Variants in PIBF1 observed in about 807,000 individuals in gnomAD.
PIBF1 encodes the protein progesterone immunomodulatory binding factor 1.
In PIBF1, 90 loss-of-function variants were observed where a neutral mutation model predicts 112.5. The ratio of observed to expected loss-of-function variants is 0.80; its 90% CI spans 0.67 to 0.95. The LOEUF (loss-of-function observed/expected upper bound fraction) is 0.95. Among genes scored for constraint, PIBF1 ranks in the 40% least tolerant of loss-of-function variants. PIBF1 has a pLI of 0.00. For missense variants in PIBF1, 915 were observed against 852.3 expected (o/e 1.07, Z -0.92); for synonymous variants, 301 against 288.6 (o/e 1.04, Z -0.44).
At chr13:72,910,268 A>G (rs1273115867) in intron 12 of PIBF1, among the ~76,000 whole-genome samples, 1 of 152,168 alleles carries the variant, frequency 6.6e-6, no homozygotes, top group Non-Finnish European at 1.5e-5. Flanking sequence ...TTTTCATATC[A>G]TATGCTGGCT....
At chr13:72,907,975 G>C (rs2040759938) in intron 11 of PIBF1, among the ~76,000 whole-genome samples, 2 of 151,934 alleles carry the variant, frequency 1.3e-5, no homozygotes, top group Admixed American at 1.3e-4. Flanking sequence ...TGTTTTAGTT[G>C]TTCACAAAGG....
At chr13:72,882,807 T>G (rs546635365) in intron 10 of PIBF1, among the ~76,000 whole-genome samples, 1 of 152,332 alleles carries the variant, frequency 6.6e-6, no homozygotes, top group East Asian at 1.9e-4. Context: ...GATGAGGATG[T>G]GGAGTAAAGA....
At chr13:72,968,923 C>T (rs990038487) in intron 15 of PIBF1, among the ~76,000 whole-genome samples, 1 of 151,804 alleles carries the variant, frequency 6.6e-6, no homozygotes, top group African/African-American at 2.4e-5. Context: ...CTTCTGTAGT[C>T]CTGGCTACTC....
intron 10 of PIBF1, among the ~76,000 whole-genome samples, chr13:72,886,884 ACTT>A: frequency 6.6e-6 from 1 of 152,042 alleles, no homozygotes; most frequent in East Asian, 1.9e-4. Context: ...AAATACCCAA[ACTT>A]CTTTTAAATT....
intron 14 of PIBF1, among the ~76,000 whole-genome samples, chr13:72,955,424 C>T (rs1217697038): frequency 2.0e-5 from 3 of 151,672 alleles, no homozygotes; most frequent in African/African-American, 7.3e-5. Context: ...CAAATGCCAA[C>T]CACCACTGAA....
At chr13:72,836,568 T>C (rs2037371063) in intron 9 of PIBF1, among the ~76,000 whole-genome samples, 4 of 152,184 alleles carry the variant, frequency 2.6e-5, no homozygotes, top group Non-Finnish European at 5.9e-5. Flanking sequence ...CCTTTGGTAG[T>C]AAATTAACAA....
intron 5 of PIBF1, among the ~76,000 whole-genome samples, chr13:72,815,911 T>G (rs533188153): frequency 6.6e-6 from 1 of 152,252 alleles, no homozygotes; most frequent in Non-Finnish European, 1.5e-5. Flanking sequence ...GGGGTTAATA[T>G]GTGATACTTT....
At chr13:72,949,177 T>G (rs1476159968) in intron 14 of PIBF1, among the ~76,000 whole-genome samples, 1 of 152,142 alleles carries the variant, frequency 6.6e-6, no homozygotes, top group Non-Finnish European at 1.5e-5. Flanking sequence ...ACTAAGTGAT[T>G]AAGCTTTTGG....
rs144403547 is a variant in PIBF1 at position 72,839,287 on chromosome 13, T to C, written c.1223+3919T>C. Among the ~76,000 whole-genome samples the C allele has an allele frequency of 1.5e-3, 234 of 152,258 alleles. 3 individuals carry two copies. In the East Asian group the frequency reaches 0.03, roughly 20 times the overall value. On this transcript the variant is annotated intron_variant, in intron 9 of 17. Transcript: ENST00000326291. ...GAGCCGACAGGACTCAGTGACTAGA[T>C]TGGATTGGTTGGATGAGAACTCGTT...
At chr13:72,917,049 C>T (rs1594191336) in intron 12 of PIBF1, 27 bp from the exon 13 acceptor site, 1 of 1,363,054 alleles carries the variant, frequency 7.3e-7, no homozygotes, top group East Asian at 2.5e-5. Flanking sequence ...AAAGTTATTT[C>T]ACATTATACA....
At chr13:72,810,344 T>C (rs767748802) in intron 5 of PIBF1, among the ~76,000 whole-genome samples, 6 of 152,208 alleles carry the variant, frequency 3.9e-5, no homozygotes, top group Non-Finnish European at 7.3e-5. Flanking sequence ...GAATCTGCAC[T>C]TAATAAAACT....
chr13:72,913,344 A>G (rs896277041), intron 12 of PIBF1, among the ~76,000 whole-genome samples: 2 of 152,190 alleles, frequency 1.3e-5, no homozygotes, highest in African/African-American at 2.4e-5. Context: ...ATATTGAATT[A>G]TAATTGATGA....
intron 9 of PIBF1, chr13:72,836,162 A>G (rs982261689): frequency 4.5e-6 from 2 of 444,134 alleles, no homozygotes; most frequent in African/African-American, 4.1e-5. Context: ...ATCAGTAAAT[A>G]TTAGGCTCAC....
intron 16 of PIBF1, among the ~76,000 whole-genome samples, chr13:72,976,667 C>T (rs866182895): frequency 1.1e-4 from 16 of 152,250 alleles, no homozygotes; most frequent in Middle Eastern, 6.8e-3. Flanking sequence ...TACCAACTTA[C>T]ATCATATATA....
chr13:72,844,787 A>ACACACG (rs2037786915), intron 9 of PIBF1, among the ~76,000 whole-genome samples: 2 of 125,610 alleles, frequency 1.6e-5, no homozygotes, highest in African/African-American at 3.0e-5. Flanking sequence ...ACACACACAC[A>ACACACG]CACACACACA....
chr13:72,827,807 T>C lies in PIBF1; in HGVS notation c.990T>C (p.Leu330=). 1.2e-6 allele frequency: 2 copies of C among 1,605,060 alleles called. No homozygotes were observed. The highest frequency in any genetic ancestry group is 1.7e-6 in the Non-Finnish European group (2 of 1,175,856). The change falls in exon 8 of 18, where the codon CTT becomes CTC. Residue 330 remains leucine (L), a synonymous_variant. Transcript: ENST00000326291. ...ATCTTAATCGCCAAAACATGGAGCTTAGTGTTCGCTGTGCTCATGAAGAGG... is the reference window on the plus strand; with the variant it reads ...ATCTTAATCGCCAAAACATGGAGCTCAGTGTTCGCTGTGCTCATGAAGAGG... ...KEYLNRQNME[L]SVRCAHEEDR...
chr13:72,864,173 T>C (rs2038825408), intron 10 of PIBF1, among the ~76,000 whole-genome samples: 1 of 152,184 alleles, frequency 6.6e-6, no homozygotes, highest in Non-Finnish European at 1.5e-5. Context: ...GATATATATT[T>C]AAGTGTGTGA....
At chr13:73,006,900 T>A (rs2044048468) in intron 17 of PIBF1, among the ~76,000 whole-genome samples, 1 of 152,120 alleles carries the variant, frequency 6.6e-6, no homozygotes, top group Admixed American at 6.6e-5. Context: ...TGTCATTTGT[T>A]TCTGCAATGG....
chr13:72,860,815 C>T (rs2038660902), intron 10 of PIBF1, among the ~76,000 whole-genome samples: 1 of 152,084 alleles, frequency 6.6e-6, no homozygotes, highest in East Asian at 1.9e-4. Context: ...AAGGAAAGGA[C>T]TTTTCTCAGG....
Sources: gnomAD v4.1 joint callset for allele counts (sites outside exome capture counted in the v4.1 genomes callset) on GRCh38, gnomAD v4.1.1 for gene constraint, MANE v1.5 for transcripts, NCBI Gene and HGNC (gene_info 2026-07-23, HGNC 2026-07-21) for gene names.